Variants in SEMA3A observed in about 807,000 individuals in gnomAD.
SEMA3A encodes the protein semaphorin-3A.
In SEMA3A, 29 loss-of-function variants were observed where a neutral mutation model predicts 97.9. The observed-to-expected ratio is 0.30, with a 90% CI of 0.22 to 0.40. The LOEUF (loss-of-function observed/expected upper bound fraction) is 0.40, where lower values mean the gene tolerates loss of function less well. SEMA3A is among the 10% of genes least tolerant of loss of function. The pLI is 1.00. For synonymous variants in SEMA3A, 321 were observed against 323.7 expected (o/e 0.99, Z 0.09); for missense variants, 763 against 951.3 (o/e 0.80, Z 2.60).
intron 3 of SEMA3A, among the ~76,000 whole-genome samples, chr7:84,239,575 T>C (rs1799312837): frequency 6.6e-6 from 1 of 152,218 alleles, no homozygotes; most frequent in Non-Finnish European, 1.5e-5. Context: ...TGGTTATCTT[T>C]CTGACTAAAA....
At chr7:84,172,396 T>G (rs1284391158) in intron 1 of SEMA3A, among the ~76,000 whole-genome samples, 1 of 152,132 alleles carries the variant, frequency 6.6e-6, no homozygotes, top group Non-Finnish European at 1.5e-5. Flanking sequence ...TATTCTTCTT[T>G]TGATTTTGCT....
chr7:84,130,032 A>C (rs1015333113), intron 2 of SEMA3A, among the ~76,000 whole-genome samples: 1 of 152,088 alleles, frequency 6.6e-6, no homozygotes, highest in African/African-American at 2.4e-5. Context: ...ATTTGATTTT[A>C]ATATAAAATC....
In SEMA3A at chr7:83,955,816, TC is replaced by T. The variant is rs2116224017; in HGVS notation, c.*5554del. 6.6e-6 allele frequency: 1 copy of T among 152,294 alleles called. No individual in the cohort carries two copies. Among genetic ancestry groups the T allele is most frequent in the African/African-American group, 2.4e-5 (1 of 41,572 alleles). 9.4% of individuals were successfully genotyped at this position (152,294 alleles called of 1,614,324 possible). A position where few individuals can be genotyped will look rare whatever the true frequency, so the allele number is the denominator to read the frequency against. On this transcript the variant is annotated 3_prime_UTR_variant, in exon 17 of 17. Coordinates refer to ENST00000265362, the MANE Select transcript of SEMA3A (RefSeq NM_006080.3). ...ATGTATTTACTTGAGATCTAATGCT[TC>T]AGTGAGATTTACAAAGAGAGAAGAC...
rs183275047 is a variant in SEMA3A, at chr7:83,996,496, T to C, written c.1452+5459A>G. On this transcript the variant is annotated intron_variant, in intron 12 of 16. Transcript: ENST00000265362. ...TTTTGTATTGTTAGTAGAGACGGGG[T>C]TTCATTATGTTGGTCAGGCTGGTCT... Among the ~76,000 whole-genome samples, 14 of 151,852 alleles carry C rather than the reference T, an allele frequency of 9.2e-5. No homozygotes were observed. In the East Asian group the frequency reaches 2.7e-3, roughly 30 times the overall value.
At chr7:84,466,153 G>T (rs1396312571) in intron 1 of SEMA3A, among the ~76,000 whole-genome samples, 1 of 142,382 alleles carries the variant, frequency 7.0e-6, no homozygotes, top group South Asian at 2.2e-4. Flanking sequence ...TTTTGTTGTT[G>T]TTAGGTTTTT....
chr7:84,105,334 C>T (rs564380200), intron 4 of SEMA3A, among the ~76,000 whole-genome samples: 5 of 152,178 alleles, frequency 3.3e-5, no homozygotes, highest in African/African-American at 1.2e-4. Flanking sequence ...ACATTTTGGC[C>T]TGGGGCACTG....
rs745908136 is a variant in SEMA3A at position 84,047,121 on chromosome 7, G to A, written c.548-678C>T. Among the ~76,000 whole-genome samples, 82 of 151,900 alleles carry A rather than the reference G, an allele frequency of 5.4e-4. 2 individuals carry two copies. The highest frequency in any genetic ancestry group is 3.9e-4 in the East Asian group (2 of 5,156). The stretch of plus-strand genomic sequence containing the variant: ...TATATAGCAGAAATGTGTTTTAAGA[G>A]GAAGGAATTTTGACAAACCCAGATC... On this transcript the variant is annotated intron_variant, in intron 5 of 16. Transcript: ENST00000265362.
intron 6 of SEMA3A, among the ~76,000 whole-genome samples, chr7:84,015,728 C>A (rs968291819): frequency 6.6e-6 from 1 of 152,144 alleles, no homozygotes; most frequent in African/African-American, 2.4e-5. Flanking sequence ...GATCTTTACA[C>A]CTGTGAATAA....
intron 1 of SEMA3A, among the ~76,000 whole-genome samples, chr7:84,378,969 C>G (rs1377924915): frequency 6.6e-6 from 1 of 151,744 alleles, no homozygotes; most frequent in Non-Finnish European, 1.5e-5. Flanking sequence ...CTCTGTCGCC[C>G]AGGCTGGAGT....
At chr7:84,222,439 G>T (rs546710982) in intron 3 of SEMA3A, among the ~76,000 whole-genome samples, 1 of 151,842 alleles carries the variant, frequency 6.6e-6, no homozygotes, top group African/African-American at 2.4e-5. Flanking sequence ...CTATAAGCAG[G>T]CTAATCCATC....
intron 11 of SEMA3A, 96 bp from the exon 12 acceptor site, chr7:84,002,142 T>C: frequency 1.5e-6 from 1 of 647,138 alleles, no homozygotes. Flanking sequence ...ACAAAGAACC[T>C]TTGATATCGG....
At chr7:84,472,954 G>A (rs1320254199) in intron 1 of SEMA3A, among the ~76,000 whole-genome samples, 1 of 152,020 alleles carries the variant, frequency 6.6e-6, no homozygotes, top group Non-Finnish European at 1.5e-5. Flanking sequence ...CAGCATTAGT[G>A]GCATTAAAAA....
intron 7 of SEMA3A, among the ~76,000 whole-genome samples, chr7:84,013,927 G>A (rs1358690470): frequency 6.6e-6 from 1 of 152,010 alleles, no homozygotes; most frequent in Non-Finnish European, 1.5e-5. Context: ...CCTTCTCCCA[G>A]GTAAAATAAA....
At chr7:84,451,542 G>A (rs970178119) in intron 1 of SEMA3A, among the ~76,000 whole-genome samples, 9 of 152,162 alleles carry the variant, frequency 5.9e-5, no homozygotes, top group Non-Finnish European at 7.4e-5. Flanking sequence ...CTTTTATAGA[G>A]TATGACAATA....
At chr7:84,111,932 A>G (rs1056996203) in intron 3 of SEMA3A, among the ~76,000 whole-genome samples, 6 of 152,182 alleles carry the variant, frequency 3.9e-5, no homozygotes, top group African/African-American at 1.4e-4. Context: ...TGAAACAGAT[A>G]TAACTTAACT....
chr7:83,963,200 T>C lies in SEMA3A; in HGVS notation c.1860+5A>G, dbSNP rs1344080312. 9 of 1,612,504 alleles carry C rather than the reference T, an allele frequency of 5.6e-6. No homozygotes were observed. Among genetic ancestry groups the C allele is most frequent in the African/African-American group, 1.3e-5 (1 of 74,930 alleles). On this transcript the variant is annotated splice_donor_5th_base_variant and intron_variant, in intron 16 of 16. Transcript: ENST00000265362. ...TAAATGATCCAGTCAGTTTCATTCCTGTACCTCTTCTTTTCGCTCTTCATT... is the reference window on the plus strand; with the variant it reads ...TAAATGATCCAGTCAGTTTCATTCCCGTACCTCTTCTTTTCGCTCTTCATT...
At chr7:84,320,360 G>C (rs1012096058) in intron 2 of SEMA3A, among the ~76,000 whole-genome samples, 1 of 151,844 alleles carries the variant, frequency 6.6e-6, no homozygotes, top group Non-Finnish European at 1.5e-5. Flanking sequence ...AAAATAATAT[G>C]TTTCTTCCAG....
intron 5 of SEMA3A, among the ~76,000 whole-genome samples, chr7:84,048,895 C>A (rs924055036): frequency 1.3e-5 from 2 of 151,906 alleles, no homozygotes; most frequent in Non-Finnish European, 2.9e-5. Context: ...GTAAAATCAA[C>A]AACTAAAAAC....
At chr7:84,298,427 C>T (rs1800920330) in intron 3 of SEMA3A, among the ~76,000 whole-genome samples, 1 of 151,924 alleles carries the variant, frequency 6.6e-6, no homozygotes, top group South Asian at 2.1e-4. Context: ...TAAAAGTGAC[C>T]ACCTCAACAT....
Sources: gnomAD v4.1 joint callset for allele counts (sites outside exome capture counted in the v4.1 genomes callset) on GRCh38, gnomAD v4.1.1 for gene constraint, MANE v1.5 for transcripts, NCBI Gene and HGNC (gene_info 2026-07-23, HGNC 2026-07-21) for gene names.